PGM5: variants seen among roughly 807,000 people sequenced by gnomAD.
The protein encoded by PGM5 is phosphoglucomutase 5.
PGM5 carries 23 observed loss-of-function variants against 59.2 expected under a neutral mutation model. That is an observed-to-expected ratio of 0.39 (90% confidence interval 0.28 to 0.55). The LOEUF (loss-of-function observed/expected upper bound fraction) is 0.55, where lower values mean the gene tolerates loss of function less well. PGM5 is among the 20% of genes least tolerant of loss of function. PGM5 has a pLI of 0.66. For missense variants in PGM5, 574 were observed against 748.3 expected, an observed-to-expected ratio of 0.77 and a Z score of 2.72; for synonymous variants, 214 against 286.0, an observed-to-expected ratio of 0.75 and a Z score of 2.54.
At chr9:68,442,577 C>G (rs1554683757) in intron 6 of PGM5, among the ~76,000 whole-genome samples, 1 of 152,158 alleles carries the variant, frequency 6.6e-6, no homozygotes, top group Non-Finnish European at 1.5e-5. Context: ...GTGTTATTAG[C>G]AAAGGCAGAG....
At position 68,456,477 on chromosome 9, in the gene PGM5, A is replaced by ATT. The variant is rs782463402; in HGVS notation, c.1044-8602_1044-8601dup. On this transcript the variant is annotated intron_variant, in intron 6 of 10. Transcript: ENST00000396396. ...AGGTGCCTGCCACCACGCCTGGCTAATTTTTTTTTTTTTTTGTATTTTTAG... is the reference window on the plus strand; with the variant it reads ...AGGTGCCTGCCACCACGCCTGGCTAATTTTTTTTTTTTTTTTTGTATTTTTAG... 1.1e-3 allele frequency among the ~76,000 whole-genome samples: 156 copies of ATT among 138,774 alleles called. 1 individual carries two copies. The highest frequency in any genetic ancestry group is 3.7e-3 in the Middle Eastern group (1 of 272). 91.0% of individuals were successfully genotyped at this position (138,774 alleles called of 152,430 possible). A position where few individuals can be genotyped will look rare whatever the true frequency, so the allele number is the denominator to read the frequency against.
intron 10 of PGM5, among the ~76,000 whole-genome samples, chr9:68,524,403 G>A (rs963835746): frequency 6.6e-6 from 1 of 152,162 alleles, no homozygotes; most frequent in African/African-American, 2.4e-5. Context: ...TGCAAGGCCT[G>A]CTTGGTTTGG....
At chr9:68,418,273 A>G (rs2132045220) in intron 6 of PGM5, among the ~76,000 whole-genome samples, 1 of 152,204 alleles carries the variant, frequency 6.6e-6, no homozygotes, top group South Asian at 2.1e-4. Flanking sequence ...ATGTTGTTGT[A>G]TTTACTCTGT....
chr9:68,415,805 ATCTATCTATCTT>A (rs1823016403), intron 6 of PGM5, among the ~76,000 whole-genome samples: 1 of 69,396 alleles, frequency 1.4e-5, no homozygotes, highest in African/African-American at 4.6e-5. Context: ...CTATCTATCT[ATCTATCTATCTT>A]ATCTATCTAT....
intron 6 of PGM5, among the ~76,000 whole-genome samples, chr9:68,459,296 T>TA (rs1403905258): frequency 6.6e-6 from 1 of 152,220 alleles, no homozygotes; most frequent in Non-Finnish European, 1.5e-5. Context: ...CCCGTGTAAC[T>TA]ACCATCTGGA....
At chr9:68,393,992 A>G (rs1554679767) in intron 6 of PGM5, 1 of 152,200 alleles carries the variant, frequency 6.6e-6, no homozygotes, top group Non-Finnish European at 1.5e-5. Context: ...ATATTAAATG[A>G]TAAAAAGCCA....
chr9:68,409,798 C>T (rs1261784274), intron 6 of PGM5, among the ~76,000 whole-genome samples: 47 of 141,308 alleles, frequency 3.3e-4, no homozygotes, highest in Admixed American at 2.3e-3. Flanking sequence ...GTGGGTGCAG[C>T]CCACCAGCAT....
At chr9:68,466,421 T>G (rs1384721237) in intron 7 of PGM5, 6 of 196,558 alleles carry the variant, frequency 3.1e-5, no homozygotes, top group Non-Finnish European at 5.2e-5. Context: ...TGTCTGATAG[T>G]TCCAATCTCT....
At chr9:68,440,045 T>C (rs1823501981) in intron 6 of PGM5, among the ~76,000 whole-genome samples, 1 of 152,130 alleles carries the variant, frequency 6.6e-6, no homozygotes, top group African/African-American at 2.4e-5. Flanking sequence ...ATGTATATGC[T>C]CCTATTAGGA....
At chr9:68,467,613 A>T (rs955461019) in intron 7 of PGM5, among the ~76,000 whole-genome samples, 4 of 152,026 alleles carry the variant, frequency 2.6e-5, no homozygotes, top group East Asian at 3.8e-4. Context: ...TTCTAATTGG[A>T]TCTAAAAGAT....
At chr9:68,419,674 T>C (rs1823095422) in intron 6 of PGM5, among the ~76,000 whole-genome samples, 1 of 152,340 alleles carries the variant, frequency 6.6e-6, no homozygotes, top group East Asian at 1.9e-4. Flanking sequence ...CTGTCTTTAC[T>C]TAGCATTTAA....
chr9:68,373,775 A>T (rs1821800056), intron 1 of PGM5, among the ~76,000 whole-genome samples: 1 of 152,238 alleles, frequency 6.6e-6, no homozygotes, highest in Admixed American at 6.5e-5. Flanking sequence ...TAGTCCAATG[A>T]GGATGTCCCT....
chr9:68,484,026 A>G lies in PGM5; in HGVS notation c.1457A>G (p.Asp486Gly). 1.2e-6 allele frequency: 2 copies of G among 1,613,548 alleles called. No individual in the cohort carries two copies. Among genetic ancestry groups the G allele is most frequent in the Non-Finnish European group, 1.7e-6 (2 of 1,179,970 alleles). Residue 486 changes from aspartate to glycine, a missense_variant, in exon 9 of 11, where the codon GAT (aspartate) becomes GGT (glycine). Coordinates refer to ENST00000396396, the MANE Select transcript of PGM5 (RefSeq NM_021965.4). ...TDSFEYVDPV[D>G]GTVTKKQGLR... is the part of the protein sequence containing the mutation. ...AGTTTTGAATACGTGGACCCTGTGG[A>G]TGGCACTGTGACCAAGAAACAGGTA...
chr9:68,487,833 G>T (rs528940409), intron 9 of PGM5, among the ~76,000 whole-genome samples: 164 of 152,344 alleles, frequency 1.1e-3, no homozygotes, highest in African/African-American at 3.8e-3. Context: ...TGTGAGCAAT[G>T]GTTGGGTGTG....
chr9:68,465,705 G>A (rs11142541), intron 7 of PGM5, among the ~76,000 whole-genome samples: 20,659 of 151,994 alleles, frequency 0.14, 2,981 homozygotes, highest in African/African-American at 0.37. Context: ...TGTTAAAAAC[G>A]TTTTCTTTTT....
intron 8 of PGM5, among the ~76,000 whole-genome samples, chr9:68,482,523 G>T (rs1392801721): frequency 6.6e-6 from 1 of 152,154 alleles, no homozygotes; most frequent in Non-Finnish European, 1.5e-5. Flanking sequence ...TGGCTAATAT[G>T]CTGATGTTTA....
chr9:68,425,130 C>T (rs1554682613), intron 6 of PGM5, among the ~76,000 whole-genome samples: 1 of 152,146 alleles, frequency 6.6e-6, no homozygotes, highest in Non-Finnish European at 1.5e-5. Flanking sequence ...TAGTATAAGT[C>T]ACCTCTTTCT....
In PGM5 at chr9:68,382,875, A is replaced by G. The variant is rs535210847; in HGVS notation, c.425-1523A>G. Among the ~76,000 whole-genome samples the G allele has an allele frequency of 2.6e-5, 4 of 151,982 alleles. No homozygotes were observed. The South Asian group carries it at 6.2e-4, about 24-fold the overall frequency. On this transcript the variant is annotated intron_variant, in intron 2 of 10. Coordinates refer to ENST00000396396, the MANE Select transcript of PGM5 (RefSeq NM_021965.4). ...CTTTTGGAAATCAGTGTGCTTTGGC[A>G]TTAAAACTCAGGGACTTGAAAATGA...
intron 9 of PGM5, among the ~76,000 whole-genome samples, chr9:68,487,597 A>G (rs1824318560): frequency 6.6e-6 from 1 of 152,118 alleles, no homozygotes; most frequent in Non-Finnish European, 1.5e-5. Context: ...AGTACTTTGC[A>G]GTAAAATTTG....
Sources: gnomAD v4.1 joint callset for allele counts (sites outside exome capture counted in the v4.1 genomes callset) on GRCh38, gnomAD v4.1.1 for gene constraint, MANE v1.5 for transcripts, NCBI Gene and HGNC (gene_info 2026-07-23, HGNC 2026-07-21) for gene names.